SLC41A1: variants seen among roughly 807,000 people sequenced by gnomAD.
SLC41A1 encodes the protein solute carrier family 41 member 1.
SLC41A1 carries 20 observed loss-of-function variants against 47.3 expected under a neutral mutation model. The observed-to-expected ratio is 0.42, with a 90% CI of 0.30 to 0.61. The LOEUF is 0.61. Ranked by LOEUF, SLC41A1 falls within the 20% of genes least tolerant of loss-of-function variation. The pLI is 0.17. For synonymous variants in SLC41A1, 282 were observed against 272.7 expected, an observed-to-expected ratio of 1.03 and a Z score of -0.34; for missense variants, 504 against 674.1, an observed-to-expected ratio of 0.75 and a Z score of 2.79.
intron 10 of SLC41A1, among the ~76,000 whole-genome samples, chr1:205,793,157 C>T (rs1655662948): frequency 6.6e-6 from 1 of 152,182 alleles, no homozygotes; most frequent in Non-Finnish European, 1.5e-5. Flanking sequence ...GGGACATGCC[C>T]TAGGAAGGGA....
rs376671254 is a variant in SLC41A1, at chr1:205,807,649, TC to T, written c.372+2420del. 3.8e-4 allele frequency among the ~76,000 whole-genome samples: 26 copies of T among 68,910 alleles called. 3 individuals carry two copies. Among genetic ancestry groups the T allele is most frequent in the African/African-American group, 1.0e-3 (18 of 17,244 alleles). The allele number at this position is 68,910 out of a possible 152,430, so 45.2% of individuals were successfully genotyped here. On this transcript the variant is annotated intron_variant, in intron 2 of 10. Transcript: ENST00000367137. ...CAAAGAAAATAGGCTCCTCGTAGAG[TC>T]TTTTTTTTTTTTTTTTTTTTTTTGA...
chr1:205,801,188 C>T, intron 2 of SLC41A1, 128 bp from the exon 3 acceptor site: 1 of 737,578 alleles, frequency 1.4e-6, no homozygotes, highest in Non-Finnish European at 2.4e-6. Flanking sequence ...ACGCCAGCCA[C>T]CTTTCCTCCA....
chr1:205,810,077 A>T lies in SLC41A1; in HGVS notation c.365T>A (p.Ile122Asn), dbSNP rs745814029. 4.3e-6 allele frequency: 7 copies of T among 1,614,074 alleles called. No individual in the cohort carries two copies. The highest frequency in any genetic ancestry group is 5.9e-6 in the Non-Finnish European group (7 of 1,180,034). Residue 122 changes from isoleucine (I) to asparagine (N), a missense_variant, in exon 2 of 11, where the codon ATC becomes AAC. Physicochemically the swap from Ile to Asn is moderately radical, Grantham distance 149. Transcript: ENST00000367137. This position sits in a 1 kb window ranked among gnomAD's most constrained non-coding sequence, Gnocchi z 5.5. ...GTVAAGMVLD[I>N]VQHWEVFQKV... ...GCCCTACTCAGGTCCTACCTGCACGATGTCCAACACCATGCCAGCAGCCAC... is the reference window on the plus strand; with the variant it reads ...GCCCTACTCAGGTCCTACCTGCACGTTGTCCAACACCATGCCAGCAGCCAC...
chr1:205,810,096 C>G lies in SLC41A1; in HGVS notation c.346G>C (p.Ala116Pro). 1.2e-6 allele frequency: 2 copies of G among 1,614,220 alleles called. No homozygotes were observed. Among genetic ancestry groups the G allele is most frequent in the Non-Finnish European group, 1.7e-6 (2 of 1,180,034 alleles). The part of the protein sequence containing the change: ...FLLAGFGTVA[A>P]GMVLDIVQHW... ...TGCACGATGTCCAACACCATGCCAG[C>G]AGCCACGGTCCCAAAGCCTGCCAGG... is the stretch of plus-strand genomic sequence containing the variant. Residue 116 changes from alanine (A) to proline (P), a missense_variant, in exon 2 of 11, where the codon GCT becomes CCT. Ala to Pro is a conservative substitution (Grantham distance 27). Coordinates refer to ENST00000367137, the MANE Select transcript of SLC41A1 (RefSeq NM_173854.6). This position sits in a 1 kb window ranked among gnomAD's most constrained non-coding sequence, Gnocchi z 5.5.
intron 2 of SLC41A1, among the ~76,000 whole-genome samples, chr1:205,808,591 A>C (rs1656070211): frequency 6.6e-6 from 1 of 152,220 alleles, no homozygotes; most frequent in African/African-American, 2.4e-5. Context: ...GGAAAGGAAT[A>C]GAAGAGGTGA....
chr1:205,792,618 C>A (rs1440367494), intron 10 of SLC41A1, among the ~76,000 whole-genome samples: 2 of 152,192 alleles, frequency 1.3e-5, no homozygotes, highest in East Asian at 3.8e-4. Context: ...ACAAGATTTA[C>A]ATGCGCTTTT....
chr1:205,810,366 C>A lies in SLC41A1; in HGVS notation c.76G>T (p.Asp26Tyr), dbSNP rs375030989. The A allele has an allele frequency of 1.4e-5, 22 of 1,614,098 alleles. No homozygotes were observed. The highest frequency in any genetic ancestry group is 1.9e-5 in the Non-Finnish European group (22 of 1,180,058). ...TGPSASPCSS[D>Y]GPGREPLAGT... The stretch of plus-strand genomic sequence containing the variant: ...GCCAAGGGCTCTCTCCCTGGGCCAT[C>A]TGAAGAGCAGGGAGAGGCAGAAGGG... Residue 26 changes from aspartate to tyrosine, a missense_variant, in exon 2 of 11, where the codon GAT becomes TAT. Transcript: ENST00000367137. The surrounding 1 kb of genome is among the most constrained non-coding windows in gnomAD (Gnocchi z 5.5).
chr1:205,790,584 A>T lies in SLC41A1; in HGVS notation c.*949T>A, dbSNP rs1655602205. On this transcript the variant is annotated 3_prime_UTR_variant, in exon 11 of 11. Coordinates refer to ENST00000367137, the MANE Select transcript of SLC41A1 (RefSeq NM_173854.6). ...TCAGGAGAAATGGCAGCAATGAGAC[A>T]CCTGTGGTTGTCCTCAACCTCCAAA... The T allele has an allele frequency of 6.6e-6, 1 of 152,198 alleles. No individual in the cohort carries two copies. Among genetic ancestry groups the T allele is most frequent in the Non-Finnish European group, 1.5e-5 (1 of 68,046 alleles). 9.4% of individuals were successfully genotyped at this position (152,198 alleles called of 1,614,324 possible).
At chr1:205,806,968 G>A (rs973543635) in intron 2 of SLC41A1, among the ~76,000 whole-genome samples, 1 of 152,132 alleles carries the variant, frequency 6.6e-6, no homozygotes, top group Non-Finnish European at 1.5e-5. Context: ...GGAGACATCT[G>A]AACCAGGCCC....
intron 3 of SLC41A1, 87 bp downstream of exon 3, chr1:205,800,866 G>A: frequency 1.6e-6 from 2 of 1,264,712 alleles, no homozygotes; most frequent in Non-Finnish European, 2.3e-6. Context: ...GGGCAGTGGA[G>A]AAGGGCTCGT....
intron 2 of SLC41A1, chr1:205,801,398 C>A: frequency 2.9e-6 from 1 of 344,082 alleles, no homozygotes; most frequent in Non-Finnish European, 5.6e-6. Flanking sequence ...CTGCCTGACA[C>A]CCCAGAAATC....
rs1655582578 is a variant in SLC41A1, at chr1:205,790,031, T to C, written c.*1502A>G. 2.0e-5 allele frequency: 3 copies of C among 152,174 alleles called. No homozygotes were observed. Among genetic ancestry groups the C allele is most frequent in the Admixed American group, 2.0e-4 (3 of 15,270 alleles). The allele number at this position is 152,174 out of a possible 1,614,324, so 9.4% of individuals were successfully genotyped here. A position where few individuals can be genotyped will look rare whatever the true frequency, so the allele number is the denominator to read the frequency against. ...ACCCTGCTAGTTCTAAATCCTCTTT[T>C]GGGTGCTTGGTAAGGAGAGGTGGAG... On this transcript the variant is annotated 3_prime_UTR_variant, in exon 11 of 11. Coordinates refer to ENST00000367137, the MANE Select transcript of SLC41A1 (RefSeq NM_173854.6).
Position 205,810,078 on chromosome 1 carries a change from T to C in SLC41A1, c.364A>G (p.Ile122Val), listed in dbSNP as rs1338852106. Residue 122 changes from isoleucine to valine, a missense_variant, in exon 2 of 11, where the codon ATC (isoleucine) becomes GTC (valine). This residue lies in a region of SLC41A1 where 421 missense variants were observed against 601.6 expected (regional missense o/e 0.70). Coordinates refer to ENST00000367137, the MANE Select transcript of SLC41A1 (RefSeq NM_173854.6). The surrounding 1 kb of genome is among the most constrained non-coding windows in gnomAD (Gnocchi z 5.5). Reference protein sequence around the residue: ...GTVAAGMVLDIVQHWEVFQKV... With the variant: ...GTVAAGMVLDVVQHWEVFQKV... ...CCCTACTCAGGTCCTACCTGCACGATGTCCAACACCATGCCAGCAGCCACG... is the reference window on the plus strand; with the variant it reads ...CCCTACTCAGGTCCTACCTGCACGACGTCCAACACCATGCCAGCAGCCACG... The C allele has an allele frequency of 3.1e-6, 5 of 1,614,136 alleles. No homozygotes were observed. Among genetic ancestry groups the C allele is most frequent in the Admixed American group, 1.7e-5 (1 of 60,020 alleles).
intron 8 of SLC41A1, chr1:205,795,861 T>C (rs566181242): frequency 1.9e-5 from 5 of 268,340 alleles, no homozygotes; most frequent in African/African-American, 1.2e-4. Context: ...GATGAAGCCC[T>C]GCCTTGCCTC....
intron 2 of SLC41A1, among the ~76,000 whole-genome samples, chr1:205,802,160 C>A (rs139316367): frequency 6.6e-6 from 1 of 151,820 alleles, no homozygotes; most frequent in Admixed American, 6.6e-5. Flanking sequence ...GGAGGCCAGG[C>A]GGATATATAT....
At chr1:205,803,632 C>CTTTTT (rs140199204) in intron 2 of SLC41A1, among the ~76,000 whole-genome samples, 5 of 121,034 alleles carry the variant, frequency 4.1e-5, no homozygotes, top group Non-Finnish European at 9.2e-5. Flanking sequence ...TAGTCAAATT[C>CTTTTT]TTTTTTTTTT....
At chr1:205,800,051 T>C (rs1267556132) in intron 3 of SLC41A1, among the ~76,000 whole-genome samples, 1 of 151,312 alleles carries the variant, frequency 6.6e-6, no homozygotes, top group Admixed American at 6.6e-5. Flanking sequence ...TGGAAGGGGG[T>C]CCCCTAGGCA....
intron 8 of SLC41A1, chr1:205,796,593 G>A: frequency 2.8e-6 from 1 of 357,034 alleles, no homozygotes. Flanking sequence ...CCAGAACTGT[G>A]AGCTAAATAA....
intron 7 of SLC41A1, among the ~76,000 whole-genome samples, chr1:205,797,603 C>T (rs1330977642): frequency 3.3e-5 from 5 of 152,220 alleles, no homozygotes; most frequent in African/African-American, 9.6e-5. Flanking sequence ...AAGCATAAAC[C>T]TGGGCTGTAG....
Sources: gnomAD v4.1 joint callset for allele counts (sites outside exome capture counted in the v4.1 genomes callset) on GRCh38, gnomAD v4.1.1 for gene constraint, gnomAD v4.1.1 regional missense constraint, Gnocchi (gnomAD v3.1) non-coding constraint, MANE v1.5 for transcripts, NCBI Gene and HGNC (gene_info 2026-07-23, HGNC 2026-07-21) for gene names.